The following BIVM variants were observed in gnomAD, a reference collection of about 807,000 sequenced individuals.
BIVM encodes the protein basic, immunoglobulin-like variable motif containing, also known as basic immunoglobulin-like variable motif-containing protein.
In BIVM, 31 loss-of-function variants were observed where a neutral mutation model predicts 61.4. That is an observed-to-expected ratio of 0.51 (90% CI 0.38 to 0.68). BIVM has a LOEUF of 0.68. Ranked by LOEUF, BIVM falls within the 30% of genes least tolerant of loss-of-function variation. BIVM has a pLI of 0.00. For synonymous variants in BIVM, 189 were observed against 210.7 expected (o/e 0.90, Z 0.89); for missense variants, 526 against 596.0 (o/e 0.88, Z 1.22).
intron 9 of BIVM, among the ~76,000 whole-genome samples, chr13:102,835,350 T>C (rs912760468): frequency 2.0e-5 from 3 of 152,134 alleles, no homozygotes; most frequent in African/African-American, 4.8e-5. Flanking sequence ...GAAAAAAGTG[T>C]ACAATTCCAT....
chr13:102,834,509 A>G lies in BIVM; in HGVS notation c.1078A>G (p.Ile360Val), dbSNP rs1278666331. The part of the protein sequence containing the change: ...SPQEVEYWIL[I>V]GESSRKHPAI... ...ACAGGAAGTTGAATATTGGATCTTAATTGGAGAATCAAGTAGAAAACATCC... is the reference window on the plus strand; with the variant it reads ...ACAGGAAGTTGAATATTGGATCTTAGTTGGAGAATCAAGTAGAAAACATCC... The change falls in exon 9 of 11, where the codon ATT (isoleucine) becomes GTT (valine). Residue 360 changes from isoleucine (I) to valine (V), a missense_variant. This residue lies in a region of BIVM where 210 missense variants were observed against 233.1 expected (regional missense o/e 0.90). Transcript: ENST00000257336. 1 of 1,594,140 alleles carries G rather than the reference A, an allele frequency of 6.3e-7. No individual in the cohort carries two copies.
intron 7 of BIVM, among the ~76,000 whole-genome samples, chr13:102,824,554 T>G (rs917856344): frequency 6.6e-6 from 1 of 152,180 alleles, no homozygotes; most frequent in Non-Finnish European, 1.5e-5. Flanking sequence ...TAGTAAATAT[T>G]CTTGGCTTTG....
In BIVM at chr13:102,807,430, T is replaced by G. The variant is rs369013281; in HGVS notation, c.163T>G (p.Trp55Gly). The G allele has an allele frequency of 1.5e-5, 25 of 1,614,110 alleles. No homozygotes were observed. Among genetic ancestry groups the G allele is most frequent in the Non-Finnish European group, 2.1e-5 (25 of 1,180,048 alleles). Residue 55 changes from tryptophan to glycine, a missense_variant, in exon 3 of 11, where the codon TGG becomes GGG. Coordinates refer to ENST00000257336, the MANE Select transcript of BIVM (RefSeq NM_017693.4). This position sits in a 1 kb window ranked among gnomAD's most constrained non-coding sequence, Gnocchi z 4.0. ...TCCCAAAGGAGATGGTCATTATCCA[T>G]GGAGTTGTCCAGTGACTCATACACG... Reference protein sequence around the residue: ...LGPKGDGHYPWSCPVTHTREK... With the variant: ...LGPKGDGHYPGSCPVTHTREK...
chr13:102,839,684 A>G lies in BIVM; in HGVS notation c.1331A>G (p.His444Arg), dbSNP rs1325239616. 1.2e-6 allele frequency: 2 copies of G among 1,614,212 alleles called. No individual in the cohort carries two copies. Among genetic ancestry groups the G allele is most frequent in the Middle Eastern group, 1.6e-4 (1 of 6,062 alleles). Residue 444 changes from histidine to arginine, a missense_variant, in exon 11 of 11, where the codon CAT becomes CGT. Transcript: ENST00000257336. ...TIRQESQPPT[H>R]AQGIAKSESE... ...AGACAAGAATCACAACCTCCAACAC[A>G]TGCCCAGGGAATTGCCAAATCTGAG...
At chr13:102,806,358 T>G (rs1879081110) in intron 2 of BIVM, among the ~76,000 whole-genome samples, 1 of 152,162 alleles carries the variant, frequency 6.6e-6, no homozygotes, top group East Asian at 1.9e-4. Flanking sequence ...CAAGTGAGTC[T>G]TATGTCTCAG....
intron 3 of BIVM, among the ~76,000 whole-genome samples, chr13:102,810,183 G>C (rs1879404438): frequency 6.6e-6 from 1 of 152,146 alleles, no homozygotes; most frequent in African/African-American, 2.4e-5. Context: ...CTGTGAATTT[G>C]ACTATTCTAG....
In BIVM at chr13:102,839,723, T is replaced by C; in HGVS notation, c.1370T>C (p.Ile457Thr). Residue 457 changes from isoleucine to threonine, a missense_variant, in exon 11 of 11, where the codon ATT (isoleucine) becomes ACT (threonine). Physicochemically the swap from Ile to Thr is moderately conservative, Grantham distance 89. Around this residue, in one of 3 missense-constraint regions of BIVM, gnomAD observed 210 missense variants for 233.1 expected, o/e 0.90. Coordinates refer to ENST00000257336, the MANE Select transcript of BIVM (RefSeq NM_017693.4). ...GIAKSESEDN[I>T]SKKQHGRLGR... Reference sequence around the variant, plus strand: ...GCCAAATCTGAGAGTGAAGACAATATTTCCAAGAAGCAGCATGGGCGTCTG... The same window carrying C: ...GCCAAATCTGAGAGTGAAGACAATACTTCCAAGAAGCAGCATGGGCGTCTG... 1 of 1,614,178 alleles carries C rather than the reference T, an allele frequency of 6.2e-7. No homozygotes were observed. Among genetic ancestry groups the C allele is most frequent in the East Asian group, 2.2e-5 (1 of 44,892 alleles).
rs1881695726 is a variant in BIVM at position 102,839,489 on chromosome 13, AAAG to A, written c.1219-79_1219-77del. ...TCTGAGGCCGGTGAAGTAAAAAAAG[AAAG>A]AAGGGAGTTCATAGGGACCTACAAA... is the stretch of plus-strand genomic sequence containing the variant. On this transcript the variant is annotated intron_variant, in intron 10 of 10. Transcript: ENST00000257336. The A allele has an allele frequency of 2.0e-6, 3 of 1,529,542 alleles. No homozygotes were observed. The East Asian group carries it at 6.8e-5, about 34-fold the overall frequency. 94.7% of individuals were successfully genotyped at this position (1,529,542 alleles called of 1,614,324 possible). A position where few individuals can be genotyped will look rare whatever the true frequency, so the allele number is the denominator to read the frequency against.
In BIVM at chr13:102,833,536, T is replaced by C. The variant is rs149675480; in HGVS notation, c.1035-930T>C. Among the ~76,000 whole-genome samples, 204 of 152,116 alleles carry C rather than the reference T, an allele frequency of 1.3e-3. 2 individuals are homozygous for C. The highest frequency in any genetic ancestry group is 4.6e-3 in the African/African-American group (190 of 41,526). On this transcript the variant is annotated intron_variant, in intron 8 of 10. Transcript: ENST00000257336. ...CAGGGTTTCACCATGTTACCCAGGC[T>C]GGTCTTGAACTCCTGGGCTCCAGTG...
At position 102,838,699 on chromosome 13, in the gene BIVM, G is replaced by T; in HGVS notation, c.1178G>T (p.Arg393Leu). The change falls in exon 10 of 11, where the codon CGG becomes CTG. Residue 393 changes from arginine to leucine, a missense_variant. Physicochemically the swap from Arg to Leu is moderately radical, Grantham distance 102. Around this residue, in one of 3 missense-constraint regions of BIVM, gnomAD observed 210 missense variants for 233.1 expected, o/e 0.90. Transcript: ENST00000257336. Reference sequence around the variant, plus strand: ...CAAAATCCAGAATACCTGGATATCCGGCACTTAGAGAGGGGACTGCAGTAT... The same window carrying T: ...CAAAATCCAGAATACCTGGATATCCTGCACTTAGAGAGGGGACTGCAGTAT... Reference protein sequence around the residue: ...NTQNPEYLDIRHLERGLQYRK... With the variant: ...NTQNPEYLDILHLERGLQYRK... 6.2e-7 allele frequency: 1 copy of T among 1,613,282 alleles called. No homozygotes were observed. The highest frequency in any genetic ancestry group is 8.5e-7 in the Non-Finnish European group (1 of 1,179,522).
intron 3 of BIVM, among the ~76,000 whole-genome samples, chr13:102,812,100 A>G (rs187446098): frequency 1.7e-4 from 26 of 151,708 alleles, no homozygotes; most frequent in South Asian, 4.2e-4. Flanking sequence ...CTCATACTCA[A>G]TTATTTCAGT....
At chr13:102,834,642 T>C in intron 9 of BIVM, 90 bp downstream of exon 9, 1 of 1,242,356 alleles carries the variant, frequency 8.0e-7, no homozygotes, top group African/African-American at 1.6e-5. Flanking sequence ...ATTAGTTTGA[T>C]AAATGAATGC....
chr13:102,836,031 C>CATATGTTT (rs1881447117), intron 9 of BIVM, among the ~76,000 whole-genome samples: 1 of 152,256 alleles, frequency 6.6e-6, no homozygotes, highest in African/African-American at 2.4e-5. Flanking sequence ...TTTTAGAGGA[C>CATATGTTT]ATATGTTTTG....
At chr13:102,820,314 A>T (rs1977402) in intron 4 of BIVM, 40,482 of 146,974 alleles carry the variant, frequency 0.28, 6,063 homozygotes, top group East Asian at 0.41. Context: ...ATTGCACCAC[A>T]GCACTCCAGC....
intron 7 of BIVM, among the ~76,000 whole-genome samples, chr13:102,824,271 G>C (rs1302516134): frequency 6.6e-6 from 1 of 152,198 alleles, no homozygotes; most frequent in Non-Finnish European, 1.5e-5. Flanking sequence ...TGGAGTTCCT[G>C]CCCCTCTCTC....
chr13:102,805,789 A>G (rs1245353120), intron 2 of BIVM, among the ~76,000 whole-genome samples: 1 of 152,158 alleles, frequency 6.6e-6, no homozygotes, highest in Non-Finnish European at 1.5e-5. Context: ...TCTTTTACTC[A>G]CTATAATGTT....
At chr13:102,820,593 C>T in intron 4 of BIVM, 1 of 167,916 alleles carries the variant, frequency 6.0e-6, no homozygotes, top group Non-Finnish European at 1.3e-5. Context: ...GCTTCTTGCC[C>T]AAGGATTTTA....
chr13:102,838,493 A>G, intron 9 of BIVM, 150 bp from the exon 10 acceptor site: 1 of 609,752 alleles, frequency 1.6e-6, no homozygotes, highest in Non-Finnish European at 2.6e-6. Flanking sequence ...AAGTTATTAC[A>G]GTTTAGTAGA....
intron 7 of BIVM, among the ~76,000 whole-genome samples, chr13:102,822,561 T>C (rs536528256): frequency 6.6e-6 from 1 of 152,330 alleles, no homozygotes; most frequent in South Asian, 2.1e-4. Flanking sequence ...GATTTGAGAA[T>C]ATTTGATGTT....
Sources: allele counts gnomAD v4.1 joint callset (sites outside exome capture counted in the v4.1 genomes callset), GRCh38; gene constraint gnomAD v4.1.1; regional missense constraint gnomAD v4.1.1; non-coding constraint Gnocchi (gnomAD v3.1); transcripts MANE v1.5; gene names NCBI Gene and HGNC (gene_info 2026-07-23, HGNC 2026-07-21).